Variants in ZCCHC7 observed in about 807,000 individuals in gnomAD.
ZCCHC7 encodes the protein zinc finger CCHC-type containing 7, also known as zinc finger CCHC domain-containing protein 7.
A neutral mutation model predicts 52.0 loss-of-function variants in ZCCHC7; 35 were observed. That is an observed-to-expected ratio of 0.67 (90% confidence interval 0.51 to 0.89). The LOEUF is 0.89. Among genes scored for constraint, ZCCHC7 ranks in the 40% least tolerant of loss-of-function variants. The pLI, the probability that ZCCHC7 is intolerant of heterozygous loss-of-function variation, is 0.00. For missense variants in ZCCHC7, 574 were observed against 649.1 expected, an observed-to-expected ratio of 0.88 and a Z score of 1.26; for synonymous variants, 217 against 221.5, an observed-to-expected ratio of 0.98 and a Z score of 0.18.
intron 2 of ZCCHC7, among the ~76,000 whole-genome samples, chr9:37,207,603 G>T (rs1051885175): frequency 6.3e-5 from 9 of 142,262 alleles, no homozygotes; most frequent in Admixed American, 2.9e-4. Context: ...GTGGTAATCC[G>T]TTGCTGTGTC....
intron 6 of ZCCHC7, among the ~76,000 whole-genome samples, chr9:37,338,456 A>G (rs184415500): frequency 6.6e-6 from 1 of 152,172 alleles, no homozygotes; most frequent in Non-Finnish European, 1.5e-5. Context: ...TAAGTATACA[A>G]ACATAAAGTA....
chr9:37,321,421 TC>T (rs1180600084), intron 5 of ZCCHC7, among the ~76,000 whole-genome samples: 2 of 152,172 alleles, frequency 1.3e-5, no homozygotes, highest in East Asian at 1.9e-4. Flanking sequence ...AAACCACTGT[TC>T]CTGGCCTATA....
At chr9:37,139,063 C>G (rs1045365445) in intron 2 of ZCCHC7, among the ~76,000 whole-genome samples, 1 of 151,780 alleles carries the variant, frequency 6.6e-6, no homozygotes, top group Non-Finnish European at 1.5e-5. Flanking sequence ...AGTAGGAGAT[C>G]CTGTTTTTAA....
chr9:37,302,338 C>T (rs757829698), intron 3 of ZCCHC7, 107 bp downstream of exon 3: 1 of 946,022 alleles, frequency 1.1e-6, no homozygotes, highest in Non-Finnish European at 1.6e-6. Context: ...TATAAGAAAA[C>T]ATTTGATTTT....
chr9:37,266,020 A>G (rs1827090279), intron 2 of ZCCHC7, among the ~76,000 whole-genome samples: 1 of 152,182 alleles, frequency 6.6e-6, no homozygotes. Flanking sequence ...CTTCCTCAAG[A>G]TCTTAGCATA....
chr9:37,231,417 C>G (rs2451021), intron 2 of ZCCHC7, among the ~76,000 whole-genome samples: 1 of 151,950 alleles, frequency 6.6e-6, no homozygotes, highest in African/African-American at 2.4e-5. Context: ...AAATATATTT[C>G]TAGATGTTTT....
At position 37,162,867 on chromosome 9, in the gene ZCCHC7, G is replaced by A. The variant is rs1588405934; in HGVS notation, c.610+35925G>A. Among the ~76,000 whole-genome samples, 3 of 152,302 alleles carry A rather than the reference G, an allele frequency of 2.0e-5. No individual in the cohort carries two copies. In the South Asian group the frequency reaches 6.2e-4, roughly 32 times the overall value. On this transcript the variant is annotated intron_variant, in intron 2 of 8. Transcript: ENST00000336755. The stretch of plus-strand genomic sequence containing the variant: ...GTGGTTGGACCACCTGAGGTCAGGA[G>A]TTCAAGACCAGCCTGGCCAACATGG...
intron 2 of ZCCHC7, among the ~76,000 whole-genome samples, chr9:37,140,110 C>T (rs1843159752): frequency 6.6e-6 from 1 of 151,914 alleles, no homozygotes; most frequent in South Asian, 2.1e-4. Context: ...AGAAGATGTG[C>T]AACCACAATC....
intron 2 of ZCCHC7, among the ~76,000 whole-genome samples, chr9:37,128,865 A>G (rs1842648117): frequency 6.6e-6 from 1 of 152,224 alleles, no homozygotes; most frequent in South Asian, 2.1e-4. Flanking sequence ...AAACAAAATG[A>G]TCTTGGGTTA....
chr9:37,125,813 G>A (rs958183121), intron 1 of ZCCHC7, among the ~76,000 whole-genome samples: 16 of 152,214 alleles, frequency 1.1e-4, no homozygotes, highest in African/African-American at 2.7e-4. Context: ...AAGACAGACA[G>A]TGTGACTGTG....
At chr9:37,326,129 A>G (rs1830230672) in intron 5 of ZCCHC7, 1 of 152,162 alleles carries the variant, frequency 6.6e-6, no homozygotes, top group African/African-American at 2.4e-5. Flanking sequence ...AACTCAAATT[A>G]TATATACACA....
At chr9:37,350,755 G>T (rs557336870) in intron 7 of ZCCHC7, among the ~76,000 whole-genome samples, 1 of 152,374 alleles carries the variant, frequency 6.6e-6, no homozygotes, top group East Asian at 1.9e-4. Context: ...GAGAAAGGAT[G>T]TAATAAGAAT....
At chr9:37,155,381 G>A (rs544176114) in intron 2 of ZCCHC7, among the ~76,000 whole-genome samples, 2 of 151,750 alleles carry the variant, frequency 1.3e-5, no homozygotes, top group East Asian at 3.9e-4. Flanking sequence ...CAATTAAGAT[G>A]ACATTTAAAT....
At chr9:37,166,202 C>G (rs1316472385) in intron 2 of ZCCHC7, among the ~76,000 whole-genome samples, 5 of 152,030 alleles carry the variant, frequency 3.3e-5, no homozygotes. Flanking sequence ...CGAGACCAGC[C>G]TGGCCAGCAT....
rs1821740562 is a variant in ZCCHC7, at chr9:37,356,966, A to G, written c.1330A>G (p.Lys444Glu). 1 of 1,613,584 alleles carries G rather than the reference A, an allele frequency of 6.2e-7. No individual in the cohort carries two copies. The highest frequency in any genetic ancestry group is 8.5e-7 in the Non-Finnish European group (1 of 1,179,922). ...WKSNRWPQEN[K>E]ETQKEMKNKN... ...AAGCAACAGGTGGCCTCAAGAAAATAAAGAAACACAAAAAGAAATGAAGAA... is the reference window on the plus strand; with the variant it reads ...AAGCAACAGGTGGCCTCAAGAAAATGAAGAAACACAAAAAGAAATGAAGAA... The change falls in exon 9 of 9, where the codon AAA (lysine) becomes GAA (glutamate). Residue 444 changes from lysine to glutamate, a missense_variant. By Grantham distance (56) the Lys-to-Glu change is moderately conservative. Around this residue, in one of 3 missense-constraint regions of ZCCHC7, gnomAD observed 168 missense variants for 171.6 expected, o/e 0.98. Coordinates refer to ENST00000336755, the MANE Select transcript of ZCCHC7 (RefSeq NM_032226.3).
intron 1 of ZCCHC7, among the ~76,000 whole-genome samples, chr9:37,123,941 T>C (rs757789707): frequency 1.3e-5 from 2 of 152,206 alleles, no homozygotes; most frequent in Non-Finnish European, 1.5e-5. Flanking sequence ...AGGTATATGA[T>C]ACCCTTTAGA....
Position 37,126,668 on chromosome 9 carries a change from A to T in ZCCHC7, c.336A>T (p.Ala112=). 6.2e-7 allele frequency: 1 copy of T among 1,614,188 alleles called. No individual in the cohort carries two copies. Among genetic ancestry groups the T allele is most frequent in the Non-Finnish European group, 8.5e-7 (1 of 1,180,028 alleles). The change falls in exon 2 of 9, where the codon GCA becomes GCT. Residue 112 remains alanine, a synonymous_variant. Coordinates refer to ENST00000336755, the MANE Select transcript of ZCCHC7 (RefSeq NM_032226.3). ...RCKGKNVRVQ[A]QENAHGLSSS... ...AAGGAAAGAATGTTAGAGTTCAAGC[A>T]CAAGAAAATGCCCATGGTCTTTCTT... is the stretch of plus-strand genomic sequence containing the variant.
At chr9:37,129,165 A>C (rs975054081) in intron 2 of ZCCHC7, among the ~76,000 whole-genome samples, 1 of 152,226 alleles carries the variant, frequency 6.6e-6, no homozygotes, top group Non-Finnish European at 1.5e-5. Flanking sequence ...TTCTGTTTGC[A>C]CTAGAGAATC....
At chr9:37,140,532 C>A (rs903691869) in intron 2 of ZCCHC7, among the ~76,000 whole-genome samples, 1 of 151,848 alleles carries the variant, frequency 6.6e-6, no homozygotes, top group East Asian at 1.9e-4. Flanking sequence ...TGGTAGAGAT[C>A]CATCAGGTAC....
Sources: allele counts gnomAD v4.1 joint callset (sites outside exome capture counted in the v4.1 genomes callset), GRCh38; gene constraint gnomAD v4.1.1; regional missense constraint gnomAD v4.1.1; transcripts MANE v1.5; gene names NCBI Gene and HGNC (gene_info 2026-07-23, HGNC 2026-07-21).